The following LACC1 variants were observed in gnomAD, a reference collection of about 807,000 sequenced individuals.
LACC1 encodes the protein laccase domain multifunctional purine nucleosidase 1.
In LACC1, 25 loss-of-function variants were observed where a neutral mutation model predicts 34.8. That is an observed-to-expected ratio of 0.72 (90% confidence interval 0.52 to 1.00). The LOEUF is 1.00. Ranked by LOEUF, LACC1 falls within the 50% of genes least tolerant of loss-of-function variation. The pLI is 0.00. For missense variants in LACC1, 426 were observed against 511.2 expected (o/e 0.83, Z 1.61); for synonymous variants, 162 against 168.0 (o/e 0.96, Z 0.28).
At chr13:43,889,966 C>A in intron 5 of LACC1, 148 bp from the exon 6 acceptor site, 1 of 625,646 alleles carries the variant, frequency 1.6e-6, no homozygotes, top group South Asian at 2.4e-5. Context: ...CTGACTAGTC[C>A]ATGTTCTGTA....
In LACC1 at chr13:43,882,374, G is replaced by A. The variant is rs748040460; in HGVS notation, c.741+11G>A. On this transcript the variant is annotated intron_variant, in intron 3 of 6. Coordinates refer to ENST00000325686, the MANE Select transcript of LACC1 (RefSeq NM_153218.4). ...TTTTACCGAATAAAGGTAAAATTTT[G>A]CTTTATATTTTGAAAGATCTAAAGT... The A allele has an allele frequency of 5.2e-5, 83 of 1,597,142 alleles. No individual in the cohort carries two copies. Among genetic ancestry groups the A allele is most frequent in the Non-Finnish European group, 6.7e-5 (79 of 1,172,468 alleles).
In LACC1 at chr13:43,882,204, T is replaced by C; in HGVS notation, c.582T>C (p.Phe194=). 6.2e-7 allele frequency: 1 copy of C among 1,600,816 alleles called. No homozygotes were observed. The highest frequency in any genetic ancestry group is 8.5e-7 in the Non-Finnish European group (1 of 1,175,560). ...SLIPDIFIHG[F]TTRTGGISYI... ...CAACAGATATTTTCATACATGGATT[T>C]ACTACAAGAACAGGTGGGATATCTT... Residue 194 remains phenylalanine (F), a synonymous_variant, in exon 3 of 7, where the codon TTT becomes TTC. Transcript: ENST00000325686.
Position 43,881,448 on chromosome 13 carries a change from C to G in LACC1, c.463C>G (p.Gln155Glu), listed in dbSNP as rs745578128. The G allele has an allele frequency of 1.2e-6, 2 of 1,613,876 alleles. No homozygotes were observed. Among genetic ancestry groups the G allele is most frequent in the East Asian group, 2.2e-5 (1 of 44,884 alleles). ...CATTGAAATAAACGTAATCACAGCT[C>G]AAGAACTAAGAGGAATTCAGAATGA... ...QSIEINVITA[Q>E]ELRGIQNEIE... Residue 155 changes from glutamine (Q) to glutamate (E), a missense_variant, in exon 2 of 7, where the codon CAA becomes GAA. This residue lies in a region of LACC1 where 217 missense variants were observed against 210.9 expected (regional missense o/e 1.03). Transcript: ENST00000325686.
chr13:43,891,249 A>G (rs1198690450), intron 6 of LACC1, among the ~76,000 whole-genome samples, 200 bp from the exon 7 acceptor site: 2 of 152,218 alleles, frequency 1.3e-5, no homozygotes, highest in Non-Finnish European at 2.9e-5. Context: ...ATTTCATGGC[A>G]CTGATTTAGC....
At position 43,893,248 on chromosome 13, in the gene LACC1, T is replaced by C. The variant is rs1955629317; in HGVS notation, c.*1801T>C. On this transcript the variant is annotated 3_prime_UTR_variant, in exon 7 of 7. Coordinates refer to ENST00000325686, the MANE Select transcript of LACC1 (RefSeq NM_153218.4). The stretch of plus-strand genomic sequence containing the variant: ...TCATGTACATTGCCTCATTTTACCT[T>C]TACAGCTACTCTGAAATACACAGGC... The C allele has an allele frequency of 6.6e-6, 1 of 152,078 alleles. No individual in the cohort carries two copies. Among genetic ancestry groups the C allele is most frequent in the Admixed American group, 6.5e-5 (1 of 15,280 alleles). 9.4% of individuals were successfully genotyped at this position (152,078 alleles called of 1,614,324 possible).
At chr13:43,888,679 C>A in intron 4 of LACC1, 78 bp from the exon 5 acceptor site, 1 of 1,103,596 alleles carries the variant, frequency 9.1e-7, no homozygotes, top group Non-Finnish European at 1.4e-6. Context: ...AATCTGCTCA[C>A]TTTTAACTTA....
rs149120006 is a variant in LACC1 at position 43,890,194 on chromosome 13, A to G, written c.1214A>G (p.His405Arg). The G allele has an allele frequency of 2.0e-5, 32 of 1,613,600 alleles. No individual in the cohort carries two copies. In the African/African-American group the frequency reaches 2.8e-4, roughly 14 times the overall value. Residue 405 changes from histidine to arginine, a missense_variant, in exon 6 of 7, where the codon CAT becomes CGT. Physicochemically the swap from His to Arg is conservative, Grantham distance 29. This residue lies in a region of LACC1 where 209 missense variants were observed against 300.3 expected (regional missense o/e 0.70). Coordinates refer to ENST00000325686, the MANE Select transcript of LACC1 (RefSeq NM_153218.4). ...GATCTCAACCTCTGTACATCTTGCC[A>G]TCCTGACAAGTTTTTCTCCCATGTC... Reference protein sequence around the residue: ...NQDLNLCTSCHPDKFFSHVRD... With the variant: ...NQDLNLCTSCRPDKFFSHVRD...
At chr13:43,885,093 A>C (rs939665336) in intron 4 of LACC1, among the ~76,000 whole-genome samples, 5 of 152,216 alleles carry the variant, frequency 3.3e-5, no homozygotes, top group Non-Finnish European at 7.3e-5. Flanking sequence ...AACACTGCTG[A>C]AAGAAAGCAG....
chr13:43,879,272 C>T (rs1221796941), upstream of LACC1: 2 of 153,024 alleles, frequency 1.3e-5, no homozygotes, highest in African/African-American at 4.8e-5. Context: ...TTCCCCGCCC[C>T]GTGCCCTCTG....
chr13:43,890,468 G>A (rs1029566740), intron 6 of LACC1, among the ~76,000 whole-genome samples, 194 bp downstream of exon 6: 3 of 152,010 alleles, frequency 2.0e-5, no homozygotes, highest in Non-Finnish European at 4.4e-5. Context: ...TGATGTAATA[G>A]TGGTAGCAAC....
At chr13:43,887,874 A>G (rs367554168) in intron 4 of LACC1, among the ~76,000 whole-genome samples, 27 of 152,200 alleles carry the variant, frequency 1.8e-4, no homozygotes, top group African/African-American at 3.9e-4. Flanking sequence ...TGTAGCCACT[A>G]TAGAAAACAG....
At position 43,890,216 on chromosome 13, in the gene LACC1, T is replaced by C. The variant is rs376573007; in HGVS notation, c.1236T>C (p.His412=). 5 of 1,613,956 alleles carry C rather than the reference T, an allele frequency of 3.1e-6. No homozygotes were observed. The Admixed American group carries it at 5.0e-5, about 16-fold the overall frequency. ...TSCHPDKFFS[H]VRDGLNFGTQ... The stretch of plus-strand genomic sequence containing the variant: ...GCCATCCTGACAAGTTTTTCTCCCA[T>C]GTCCGAGATGGCCTTAATTTTGGTA... Residue 412 remains histidine, a synonymous_variant, in exon 6 of 7, where the codon CAT becomes CAC. Coordinates refer to ENST00000325686, the MANE Select transcript of LACC1 (RefSeq NM_153218.4).
At position 43,888,715 on chromosome 13, in the gene LACC1, A is replaced by G. The variant is rs529972354; in HGVS notation, c.908-42A>G. ...GACATAAATTCAGGTGAAATTTTTT[A>G]TGTTTTGACTTCTCTTATCTCTTTT... On this transcript the variant is annotated intron_variant, in intron 4 of 6. Transcript: ENST00000325686. 3.3e-6 allele frequency: 5 copies of G among 1,501,306 alleles called. No homozygotes were observed. In the Admixed American group the frequency reaches 7.0e-5, roughly 21 times the overall value. 93.0% of individuals were successfully genotyped at this position (1,501,306 alleles called of 1,614,324 possible). A position where few individuals can be genotyped will look rare whatever the true frequency, so the allele number is the denominator to read the frequency against.
upstream of LACC1, chr13:43,879,545 C>T (rs987641571): frequency 2.4e-4 from 37 of 152,450 alleles, no homozygotes; most frequent in African/African-American, 8.4e-4. Context: ...AGCGGGCTCG[C>T]GGCGCTTGGC....
At chr13:43,885,509 G>A (rs1456517908) in intron 4 of LACC1, among the ~76,000 whole-genome samples, 3 of 152,012 alleles carry the variant, frequency 2.0e-5, no homozygotes, top group Non-Finnish European at 4.4e-5. Flanking sequence ...AATGAGGAAA[G>A]GAATCCCTGT....
chr13:43,880,956 T>C lies in LACC1; in HGVS notation c.-30T>C, dbSNP rs2138259364. On this transcript the variant is annotated 5_prime_UTR_variant, in exon 2 of 7. Transcript: ENST00000325686. ...TACACTAATTTTTATTTGCAGGTGA[T>C]TTATTTGGCATAAAAGTATTCTTTC... is the stretch of plus-strand genomic sequence containing the variant. 6 of 1,546,116 alleles carry C rather than the reference T, an allele frequency of 3.9e-6. No individual in the cohort carries two copies. The highest frequency in any genetic ancestry group is 2.4e-5 in the South Asian group (2 of 84,024).
rs972638750 is a variant in LACC1, at chr13:43,888,618, CA to C, written c.908-138del. 2.2e-5 allele frequency: 15 copies of C among 677,372 alleles called. No homozygotes were observed. In the African/African-American group the frequency reaches 2.4e-4, roughly 11 times the overall value. 42.0% of individuals were successfully genotyped at this position (677,372 alleles called of 1,614,324 possible). On this transcript the variant is annotated intron_variant, in intron 4 of 6. Transcript: ENST00000325686. ...TGTGTAGTATGGCTCATTTAAAAAC[CA>C]CATGATAATGTAATTTATTATTTCT...
At chr13:43,888,419 T>A (rs868779827) in intron 4 of LACC1, among the ~76,000 whole-genome samples, 7 of 152,288 alleles carry the variant, frequency 4.6e-5, no homozygotes, top group Middle Eastern at 3.4e-3. Context: ...CTTAGAATAG[T>A]ATTTTTTTGT....
At position 43,890,275 on chromosome 13, in the gene LACC1, G is replaced by GTACA; in HGVS notation, c.*1+2_*1+5dup. The GTACA allele has an allele frequency of 6.2e-7, 1 of 1,609,270 alleles. No individual in the cohort carries two copies. Among genetic ancestry groups the GTACA allele is most frequent in the East Asian group, 2.2e-5 (1 of 44,618 alleles). ...GGCTTCATATCAATTAAAGAATGAGGTACAGTAGGTTTTCTCTCCTCTCTC... is the reference window on the plus strand; with the variant it reads ...GGCTTCATATCAATTAAAGAATGAGGTACATACAGTAGGTTTTCTCTCCTCTCTC... On this transcript the variant is annotated splice_donor_variant, in intron 6 of 6. Coordinates refer to ENST00000325686, the MANE Select transcript of LACC1 (RefSeq NM_153218.4). LOFTEE classifies it low-confidence loss of function (3UTR_SPLICE).
Sources: gnomAD v4.1 joint callset for allele counts (sites outside exome capture counted in the v4.1 genomes callset) on GRCh38, gnomAD v4.1.1 for gene constraint, gnomAD v4.1.1 regional missense constraint, MANE v1.5 for transcripts, NCBI Gene and HGNC (gene_info 2026-07-23, HGNC 2026-07-21) for gene names.